Variants in ARHGAP28 observed in about 807,000 individuals in gnomAD.
ARHGAP28 encodes the protein rho GTPase-activating protein 28.
Under a neutral mutation model 90.7 loss-of-function variants are expected in ARHGAP28, and 56 were observed. The ratio of observed to expected loss-of-function variants is 0.62; its 90% CI spans 0.50 to 0.77. The LOEUF (loss-of-function observed/expected upper bound fraction) is 0.77. Ranked by LOEUF, ARHGAP28 falls within the 30% of genes least tolerant of loss-of-function variation. ARHGAP28 has a pLI of 0.00. For missense variants in ARHGAP28, 869 were observed against 900.9 expected (o/e 0.96, Z 0.45); for synonymous variants, 308 against 323.3 (o/e 0.95, Z 0.51).
chr18:6,825,612 C>A (rs960194326), intron 2 of ARHGAP28, among the ~76,000 whole-genome samples: 1 of 152,112 alleles, frequency 6.6e-6, no homozygotes, highest in African/African-American at 2.4e-5. Flanking sequence ...TTCCCTACCT[C>A]CCCCCTCTAG....
chr18:6,902,922 C>T (rs539871580), intron 16 of ARHGAP28, among the ~76,000 whole-genome samples: 11 of 152,234 alleles, frequency 7.2e-5, no homozygotes, highest in Middle Eastern at 6.8e-3. Flanking sequence ...AAGTATTCAT[C>T]AACAGATGAA....
intron 2 of ARHGAP28, among the ~76,000 whole-genome samples, chr18:6,827,820 T>C (rs1253236611): frequency 6.7e-6 from 1 of 149,516 alleles, no homozygotes; most frequent in Non-Finnish European, 1.5e-5. Context: ...CCTCACTTCC[T>C]AGATGGGGTC....
intron 16 of ARHGAP28, among the ~76,000 whole-genome samples, chr18:6,903,966 A>G (rs1190305799): frequency 6.6e-6 from 1 of 152,226 alleles, no homozygotes; most frequent in Non-Finnish European, 1.5e-5. Context: ...GATATCAGTA[A>G]CAGAAGGAGA....
rs577501879 is a variant in ARHGAP28 at position 6,913,070 on chromosome 18, A to G, written c.*916A>G. On this transcript the variant is annotated 3_prime_UTR_variant, in exon 18 of 18. Coordinates refer to ENST00000383472, the MANE Select transcript of ARHGAP28 (RefSeq NM_001366230.1). ...TGCAGTCCCAATTTAAAAATGCAGAACTGCTTTATCCAAGAATGCTGAAAA... is the reference window on the plus strand; with the variant it reads ...TGCAGTCCCAATTTAAAAATGCAGAGCTGCTTTATCCAAGAATGCTGAAAA... The G allele has an allele frequency of 6.6e-6, 1 of 152,344 alleles. No homozygotes were observed. The highest frequency in any genetic ancestry group is 6.5e-5 in the Admixed American group (1 of 15,312). 9.4% of individuals were successfully genotyped at this position (152,344 alleles called of 1,614,324 possible). A position where few individuals can be genotyped will look rare whatever the true frequency, so the allele number is the denominator to read the frequency against.
intron 1 of ARHGAP28, among the ~76,000 whole-genome samples, chr18:6,751,694 C>T (rs1241981383): frequency 2.0e-5 from 3 of 152,232 alleles, no homozygotes; most frequent in African/African-American, 7.2e-5. Flanking sequence ...GGGGTGTCCA[C>T]CCCTAGAGTG....
At chr18:6,835,801 A>G (rs1373210334) in intron 2 of ARHGAP28, among the ~76,000 whole-genome samples, 4 of 152,236 alleles carry the variant, frequency 2.6e-5, no homozygotes. Flanking sequence ...GGGAGAATGA[A>G]CATCAATTGA....
chr18:6,841,208 C>CTCTCTCTCCT (rs1555631529), intron 3 of ARHGAP28, among the ~76,000 whole-genome samples: 2 of 43,136 alleles, frequency 4.6e-5, no homozygotes, highest in African/African-American at 9.2e-5. Flanking sequence ...TCTCTCCTCT[C>CTCTCTCTCCT]CTCTCTCTCT....
At position 6,862,325 on chromosome 18, in the gene ARHGAP28, C is replaced by T. The variant is rs182506771; in HGVS notation, c.726+2428C>T. Among the ~76,000 whole-genome samples the T allele has an allele frequency of 8.9e-4, 135 of 152,252 alleles. 3 individuals are homozygous for T. The East Asian group carries it at 0.025, about 29-fold the overall frequency. On this transcript the variant is annotated intron_variant, in intron 5 of 17. Coordinates refer to ENST00000383472, the MANE Select transcript of ARHGAP28 (RefSeq NM_001366230.1). ...CACCTGTAAAAATAAACCTCTCCTG[C>T]CAGGCTAAATTCCCGGGGCCAACTT...
rs1355552558 is a variant in ARHGAP28 at position 6,887,066 on chromosome 18, G to A, written c.1454-91G>A. The A allele has an allele frequency of 7.8e-6, 9 of 1,151,168 alleles. No individual in the cohort carries two copies. In the Admixed American group the frequency reaches 1.3e-4, roughly 17 times the overall value. The allele number at this position is 1,151,168 out of a possible 1,614,324, so 71.3% of individuals were successfully genotyped here. A position where few individuals can be genotyped will look rare whatever the true frequency, so the allele number is the denominator to read the frequency against. Reference sequence around the variant, plus strand: ...TCTTTACCACCAAAAGCTGTCAGGAGCCCTCCTGTGCCACCAGATGCTAGC... The same window carrying A: ...TCTTTACCACCAAAAGCTGTCAGGAACCCTCCTGTGCCACCAGATGCTAGC... On this transcript the variant is annotated intron_variant, in intron 11 of 17. Coordinates refer to ENST00000383472, the MANE Select transcript of ARHGAP28 (RefSeq NM_001366230.1).
At chr18:6,898,770 T>G (rs1056738838) in intron 16 of ARHGAP28, 1 of 1,256,266 alleles carries the variant, frequency 8.0e-7, no homozygotes, top group African/African-American at 1.5e-5. Flanking sequence ...TCAAAAAATC[T>G]TAGTAACTCA....
Position 6,731,291 on chromosome 18 carries a change from CGT to C in ARHGAP28, c.122+1369_122+1370del, listed in dbSNP as rs60399521. Among the ~76,000 whole-genome samples the C allele has an allele frequency of 7.8e-3, 1,171 of 149,402 alleles. 16 individuals carry two copies. The highest frequency in any genetic ancestry group is 0.027 in the African/African-American group (1,096 of 40,722). On this transcript the variant is annotated intron_variant, in intron 1 of 17. Coordinates refer to ENST00000383472, the MANE Select transcript of ARHGAP28 (RefSeq NM_001366230.1). ...AACTAAATAAATATATATATGTGTG[CGT>C]GTGTGTGTGTGTGTGTGTGTTTTGA...
At chr18:6,737,092 A>G (rs12964207) in intron 1 of ARHGAP28, among the ~76,000 whole-genome samples, 18,955 of 152,240 alleles carry the variant, frequency 0.12, 1,365 homozygotes, top group South Asian at 0.26. Flanking sequence ...AGCCAAGAAT[A>G]AAAGTAAAAT....
chr18:6,757,321 G>A (rs1195800375), intron 1 of ARHGAP28, among the ~76,000 whole-genome samples: 4 of 152,138 alleles, frequency 2.6e-5, no homozygotes, highest in Non-Finnish European at 4.4e-5. Flanking sequence ...AGGGGGCAGG[G>A]CAGTGTTTAG....
At chr18:6,839,415 TC>T (rs1399457612) in intron 3 of ARHGAP28, among the ~76,000 whole-genome samples, 9 of 150,574 alleles carry the variant, frequency 6.0e-5, no homozygotes, top group African/African-American at 2.0e-4. Context: ...CCCCTCAGCC[TC>T]CCGAGTAACT....
intron 1 of ARHGAP28, among the ~76,000 whole-genome samples, chr18:6,768,591 G>A (rs2056218307): frequency 6.6e-6 from 1 of 152,048 alleles, no homozygotes; most frequent in Non-Finnish European, 1.5e-5. Context: ...TTTTCTGGGG[G>A]GTCAGGGGCT....
chr18:6,841,183 CT>C (rs1238815133), intron 3 of ARHGAP28, among the ~76,000 whole-genome samples: 48 of 49,672 alleles, frequency 9.7e-4, no homozygotes, highest in East Asian at 1.6e-3. Context: ...TCTCTCTCCT[CT>C]CTCTCTCTCT....
At chr18:6,904,033 G>C (rs952496674) in intron 16 of ARHGAP28, among the ~76,000 whole-genome samples, 3 of 151,972 alleles carry the variant, frequency 2.0e-5, no homozygotes, top group Non-Finnish European at 2.9e-5. Flanking sequence ...ATAATCTGCA[G>C]GTCAAATAGG....
chr18:6,811,654 C>G (rs1323030897), intron 1 of ARHGAP28, among the ~76,000 whole-genome samples: 1 of 152,026 alleles, frequency 6.6e-6, no homozygotes, highest in Non-Finnish European at 1.5e-5. Flanking sequence ...TAACATTACA[C>G]GTCTATTTTT....
rs1567966793 is a variant in ARHGAP28 at position 6,841,199 on chromosome 18, C to CTT, written c.543+3786_543+3787insTT. ...CTCTCTCCTCTCTCTCTCTCTCTCT[C>CTT]TCTCCTCTCCTCTCTCTCTCTCTCC... On this transcript the variant is annotated intron_variant, in intron 3 of 17. Transcript: ENST00000383472. 1.4e-4 allele frequency among the ~76,000 whole-genome samples: 9 copies of CTT among 62,290 alleles called. 1 individual carries two copies. The highest frequency in any genetic ancestry group is 7.1e-4 in the African/African-American group (8 of 11,234). 40.9% of individuals were successfully genotyped at this position (62,290 alleles called of 152,430 possible).
Sources: gnomAD v4.1 joint callset for allele counts (sites outside exome capture counted in the v4.1 genomes callset) on GRCh38, gnomAD v4.1.1 for gene constraint, MANE v1.5 for transcripts, NCBI Gene and HGNC (gene_info 2026-07-23, HGNC 2026-07-21) for gene names.